Variants in SUPT3H observed in about 807,000 individuals in gnomAD.
SUPT3H encodes SPT3 homolog, SAGA and STAGA complex component.
Under a neutral mutation model 44.3 loss-of-function variants are expected in SUPT3H, and 44 were observed. That is an observed-to-expected ratio of 0.99 (90% CI 0.78 to 1.28). SUPT3H has a LOEUF of 1.28. Among genes scored for constraint, SUPT3H ranks in the 50% most tolerant of loss-of-function variants. SUPT3H has a pLI of 0.00. For missense variants in SUPT3H, 380 were observed against 387.1 expected (o/e 0.98, Z 0.15); for synonymous variants, 124 against 125.6 (o/e 0.99, Z 0.09).
intron 10 of SUPT3H, among the ~76,000 whole-genome samples, chr6:44,885,302 C>G (rs577607155): frequency 6.6e-6 from 1 of 152,200 alleles, no homozygotes; most frequent in East Asian, 1.9e-4. Flanking sequence ...TGAGAACGGG[C>G]AGACTGCCTC....
chr6:45,100,918 A>G (rs1463759035), intron 3 of SUPT3H, among the ~76,000 whole-genome samples: 1 of 152,220 alleles, frequency 6.6e-6, no homozygotes, highest in Admixed American at 6.5e-5. Context: ...CAATACTCAC[A>G]ATAGCCAAGA....
chr6:45,050,826 T>C (rs967773501), intron 3 of SUPT3H, among the ~76,000 whole-genome samples: 1 of 151,148 alleles, frequency 6.6e-6, no homozygotes, highest in African/African-American at 2.4e-5. Context: ...AGAAATGTAA[T>C]AATGCAGGAG....
chr6:45,092,958 C>G (rs1325571440), intron 3 of SUPT3H, among the ~76,000 whole-genome samples: 1 of 151,948 alleles, frequency 6.6e-6, no homozygotes, highest in East Asian at 1.9e-4. Flanking sequence ...TTGAAATTAT[C>G]AGCATAAATA....
At chr6:45,158,299 T>TATATATATATATATATATATATATAA (rs1491302388) in intron 2 of SUPT3H, among the ~76,000 whole-genome samples, 2 of 13,416 alleles carry the variant, frequency 1.5e-4, no homozygotes, top group African/African-American at 2.4e-4. Context: ...TATATATATA[T>TATATATATATATATATATATATATAA]TTTTTTTTTT....
intron 5 of SUPT3H, among the ~76,000 whole-genome samples, chr6:45,004,281 G>A (rs548088638): frequency 6.6e-6 from 1 of 151,740 alleles, no homozygotes; most frequent in African/African-American, 2.4e-5. Flanking sequence ...GTAATAAAAG[G>A]AATTTTAAAC....
intron 4 of SUPT3H, among the ~76,000 whole-genome samples, chr6:45,019,338 G>GTC (rs1162847039): frequency 6.6e-6 from 1 of 151,696 alleles, no homozygotes; most frequent in Non-Finnish European, 1.5e-5. Flanking sequence ...TTTTTTGTGT[G>GTC]TCTATTTCCT....
chr6:44,963,119 C>T (rs1776277346), intron 6 of SUPT3H, among the ~76,000 whole-genome samples: 2 of 151,362 alleles, frequency 1.3e-5, no homozygotes, highest in African/African-American at 4.9e-5. Context: ...TACACATATA[C>T]ACATAAATTT....
chr6:45,177,140 A>C (rs1327380470), intron 2 of SUPT3H, among the ~76,000 whole-genome samples: 1 of 152,218 alleles, frequency 6.6e-6, no homozygotes, highest in East Asian at 1.9e-4. Context: ...GCGGACATTC[A>C]AACCAAAGGC....
chr6:45,147,318 C>T (rs577809847), intron 2 of SUPT3H, among the ~76,000 whole-genome samples: 10 of 152,172 alleles, frequency 6.6e-5, no homozygotes, highest in African/African-American at 2.4e-4. Context: ...AAAAGCTGAA[C>T]TAATTCATTA....
chr6:45,304,865 C>T (rs570364174), intron 2 of SUPT3H, among the ~76,000 whole-genome samples: 1 of 152,134 alleles, frequency 6.6e-6, no homozygotes, highest in African/African-American at 2.4e-5. Flanking sequence ...AAAATGAAAA[C>T]CCACTTGAGC....
chr6:45,135,532 T>A (rs1281525759), intron 2 of SUPT3H, among the ~76,000 whole-genome samples: 1 of 152,248 alleles, frequency 6.6e-6, no homozygotes, highest in African/African-American at 2.4e-5. Flanking sequence ...ACCTAGTTCA[T>A]CACTCTTAAA....
chr6:44,888,471 C>G (rs563155870), intron 10 of SUPT3H, among the ~76,000 whole-genome samples: 7 of 152,236 alleles, frequency 4.6e-5, no homozygotes, highest in Admixed American at 3.9e-4. Context: ...ATACGCAAAT[C>G]AATAAAAGTA....
chr6:45,186,703 C>T (rs1318524759), intron 2 of SUPT3H, among the ~76,000 whole-genome samples: 2 of 152,126 alleles, frequency 1.3e-5, no homozygotes, highest in African/African-American at 4.8e-5. Flanking sequence ...CCACTCTTAC[C>T]TTCCTCCAGC....
chr6:45,364,813 C>G (rs1794855271), intron 2 of SUPT3H, among the ~76,000 whole-genome samples: 1 of 152,084 alleles, frequency 6.6e-6, no homozygotes, highest in Non-Finnish European at 1.5e-5. Context: ...TTGAGAAAAA[C>G]TAAGAACTTC....
chr6:44,966,154 C>CT (rs1348975828), intron 6 of SUPT3H, among the ~76,000 whole-genome samples: 1 of 152,108 alleles, frequency 6.6e-6, no homozygotes, highest in Non-Finnish European at 1.5e-5. Flanking sequence ...ACCTTCTCCT[C>CT]TGCCTCTATT....
intron 2 of SUPT3H, among the ~76,000 whole-genome samples, chr6:45,231,738 T>C (rs1218545449): frequency 6.6e-6 from 1 of 152,190 alleles, no homozygotes; most frequent in African/African-American, 2.4e-5. Flanking sequence ...ACTCATACAT[T>C]TGATCACTAT....
At chr6:45,091,003 A>G (rs548717459) in intron 3 of SUPT3H, among the ~76,000 whole-genome samples, 1 of 152,126 alleles carries the variant, frequency 6.6e-6, no homozygotes, top group East Asian at 1.9e-4. Flanking sequence ...AGCAAGCAAT[A>G]ATATGGTTGA....
At chr6:45,111,801 C>T (rs1402491975) in intron 2 of SUPT3H, among the ~76,000 whole-genome samples, 2 of 151,956 alleles carry the variant, frequency 1.3e-5, no homozygotes, top group Non-Finnish European at 2.9e-5. Flanking sequence ...GGCCCCCCCA[C>T]CCCCACTCAG....
chr6:45,222,907 C>T (rs564344732), intron 2 of SUPT3H, among the ~76,000 whole-genome samples: 1 of 152,218 alleles, frequency 6.6e-6, no homozygotes, highest in African/African-American at 2.4e-5. Flanking sequence ...GATGAATCTT[C>T]ATGGAATTAT....
Sources: allele counts gnomAD v4.1 joint callset (sites outside exome capture counted in the v4.1 genomes callset), GRCh38; gene constraint gnomAD v4.1.1; transcripts MANE v1.5; gene names NCBI Gene and HGNC (gene_info 2026-07-23, HGNC 2026-07-21).